Variants in NOL10 observed in about 807,000 individuals in gnomAD.
NOL10 encodes nucleolar protein 10.
Under a neutral mutation model 103.5 loss-of-function variants are expected in NOL10, and 58 were observed. The ratio of observed to expected loss-of-function variants is 0.56; its 90% CI spans 0.45 to 0.70. The LOEUF (loss-of-function observed/expected upper bound fraction) is 0.70. Among genes scored for constraint, NOL10 ranks in the 30% least tolerant of loss-of-function variants. The pLI is 0.00. For missense variants in NOL10, 763 were observed against 807.3 expected, an observed-to-expected ratio of 0.95 and a Z score of 0.67; for synonymous variants, 287 against 282.5, an observed-to-expected ratio of 1.02 and a Z score of -0.16.
intron 3 of NOL10, among the ~76,000 whole-genome samples, chr2:10,679,112 C>A (rs1383825868): frequency 6.6e-6 from 1 of 152,002 alleles, no homozygotes; most frequent in African/African-American, 2.4e-5. Flanking sequence ...GTAATCCCAG[C>A]ACTTTGGGAA....
chr2:10,683,595 C>G (rs148346811), intron 2 of NOL10, among the ~76,000 whole-genome samples: 1 of 152,314 alleles, frequency 6.6e-6, no homozygotes, highest in East Asian at 1.9e-4. Context: ...TGAGCCATTT[C>G]TCAGGGTTGT....
At chr2:10,660,588 G>A (rs894592497) in intron 9 of NOL10, among the ~76,000 whole-genome samples, 1 of 152,110 alleles carries the variant, frequency 6.6e-6, no homozygotes, top group Non-Finnish European at 1.5e-5. Flanking sequence ...AAAGTGCTGG[G>A]ATTACAGGTG....
intron 19 of NOL10, among the ~76,000 whole-genome samples, chr2:10,582,052 T>C (rs1221193078): frequency 1.3e-5 from 2 of 152,214 alleles, no homozygotes; most frequent in Non-Finnish European, 2.9e-5. Flanking sequence ...TGAGGACGTA[T>C]TCCTTGAGTA....
rs1240224163 is a variant in NOL10, at chr2:10,668,751, C to T, written c.465-28G>A. The T allele has an allele frequency of 2.9e-6, 3 of 1,028,048 alleles. No individual in the cohort carries two copies. The South Asian group carries it at 5.8e-5, about 20-fold the overall frequency. 63.7% of individuals were successfully genotyped at this position (1,028,048 alleles called of 1,614,324 possible). A position where few individuals can be genotyped will look rare whatever the true frequency, so the allele number is the denominator to read the frequency against. On this transcript the variant is annotated intron_variant, in intron 6 of 20. Transcript: ENST00000381685. ...GTAAAGTAATAAAGAAAGTTAAAAA[C>T]CTGCTAAACTACAATGAAACTTTAA...
intron 13 of NOL10, among the ~76,000 whole-genome samples, chr2:10,616,908 G>C (rs1330935917): frequency 6.6e-6 from 1 of 151,964 alleles, no homozygotes; most frequent in Non-Finnish European, 1.5e-5. Flanking sequence ...ATTCAACAAA[G>C]AGTTACCTCC....
intron 12 of NOL10, among the ~76,000 whole-genome samples, chr2:10,654,123 C>T (rs1354092910): frequency 1.3e-5 from 2 of 152,142 alleles, no homozygotes; most frequent in Non-Finnish European, 2.9e-5. Context: ...CAAATCTCTA[C>T]CCTCAATTTC....
intron 5 of NOL10, among the ~76,000 whole-genome samples, chr2:10,672,752 G>A (rs959705714): frequency 6.6e-6 from 1 of 152,148 alleles, no homozygotes; most frequent in Non-Finnish European, 1.5e-5. Flanking sequence ...CAACACTTTG[G>A]GAGGCCAAGT....
intron 12 of NOL10, among the ~76,000 whole-genome samples, chr2:10,647,755 G>A (rs1558319631): frequency 6.6e-6 from 1 of 152,148 alleles, no homozygotes; most frequent in Non-Finnish European, 1.5e-5. Flanking sequence ...ATTTATAGAT[G>A]GCTCTAACAG....
intron 13 of NOL10, among the ~76,000 whole-genome samples, chr2:10,635,763 T>C (rs1678169626): frequency 6.6e-6 from 1 of 152,244 alleles, no homozygotes; most frequent in Admixed American, 6.5e-5. Flanking sequence ...AGTACCGTAC[T>C]CAATATATCC....
chr2:10,612,425 G>A (rs1159923235), intron 13 of NOL10, among the ~76,000 whole-genome samples: 3 of 152,034 alleles, frequency 2.0e-5, no homozygotes, highest in African/African-American at 4.8e-5. Flanking sequence ...ATTATCTAAC[G>A]TACTATTAAT....
At chr2:10,584,151 T>C (rs1237483099) in intron 19 of NOL10, among the ~76,000 whole-genome samples, 1 of 152,210 alleles carries the variant, frequency 6.6e-6, no homozygotes, top group Non-Finnish European at 1.5e-5. Context: ...ACTCTGCATC[T>C]TTCCACAACC....
chr2:10,656,000 G>A (rs1679824315), intron 11 of NOL10, among the ~76,000 whole-genome samples: 1 of 152,138 alleles, frequency 6.6e-6, no homozygotes, highest in Non-Finnish European at 1.5e-5. Context: ...GAATTATAAT[G>A]GCACGGAACA....
At chr2:10,646,209 C>T (rs1390360834) in intron 12 of NOL10, among the ~76,000 whole-genome samples, 1 of 152,150 alleles carries the variant, frequency 6.6e-6, no homozygotes, top group Non-Finnish European at 1.5e-5. Context: ...TCTCCAGGAG[C>T]CTTTGGACAT....
At chr2:10,623,703 G>GC (rs369226994) in intron 13 of NOL10, among the ~76,000 whole-genome samples, 2 of 151,982 alleles carry the variant, frequency 1.3e-5, no homozygotes, top group Non-Finnish European at 2.9e-5. Flanking sequence ...AAATGACCCA[G>GC]CCCCCCAAAT....
At chr2:10,598,691 G>C (rs944632114) in intron 17 of NOL10, among the ~76,000 whole-genome samples, 2 of 152,176 alleles carry the variant, frequency 1.3e-5, no homozygotes, top group African/African-American at 4.8e-5. Context: ...TCCAAACTTA[G>C]AAAGTGAGTA....
chr2:10,647,524 C>A (rs542366421), intron 12 of NOL10, among the ~76,000 whole-genome samples: 1 of 152,220 alleles, frequency 6.6e-6, no homozygotes, highest in African/African-American at 2.4e-5. Flanking sequence ...TTAGAAAATT[C>A]GAAACAAAAC....
chr2:10,581,629 C>A (rs1674760234), intron 19 of NOL10, among the ~76,000 whole-genome samples: 1 of 152,110 alleles, frequency 6.6e-6, no homozygotes, highest in Admixed American at 6.5e-5. Context: ...AAGTTCAACA[C>A]CAGTCTGGGC....
At chr2:10,685,186 A>AT (rs1682066643) in intron 1 of NOL10, among the ~76,000 whole-genome samples, 1 of 152,202 alleles carries the variant, frequency 6.6e-6, no homozygotes, top group Non-Finnish European at 1.5e-5. Flanking sequence ...ATAGAAATAT[A>AT]TTTTTTACAA....
At chr2:10,676,533 T>C (rs1681320823) in intron 3 of NOL10, among the ~76,000 whole-genome samples, 2 of 152,208 alleles carry the variant, frequency 1.3e-5, no homozygotes, top group Middle Eastern at 3.4e-3. Context: ...TGCCAAAACG[T>C]ACTATAAAGT....
Sources: allele counts gnomAD v4.1 joint callset (sites outside exome capture counted in the v4.1 genomes callset), GRCh38; gene constraint gnomAD v4.1.1; transcripts MANE v1.5; gene names NCBI Gene and HGNC (gene_info 2026-07-23, HGNC 2026-07-21).